Variants in P4HA3 observed in about 807,000 individuals in gnomAD.
P4HA3 encodes the protein prolyl 4-hydroxylase subunit alpha-3.
In P4HA3, 60 loss-of-function variants were observed where a neutral mutation model predicts 66.7. The observed-to-expected ratio is 0.90, with a 90% CI of 0.73 to 1.12. The LOEUF (loss-of-function observed/expected upper bound fraction) is 1.12, where lower values mean the gene tolerates loss of function less well. Among genes scored for constraint, P4HA3 ranks in the 50% most tolerant of loss-of-function variants. The pLI, the probability that P4HA3 is intolerant of heterozygous loss-of-function variation, is 0.00. For synonymous variants in P4HA3, 263 were observed against 274.6 expected, an observed-to-expected ratio of 0.96 and a Z score of 0.42; for missense variants, 683 against 685.8, an observed-to-expected ratio of 1.00 and a Z score of 0.05.
At chr11:74,296,918 TTTTTTTTC>T (rs922295136) in intron 4 of P4HA3, among the ~76,000 whole-genome samples, 5 of 148,156 alleles carry the variant, frequency 3.4e-5, no homozygotes, top group East Asian at 2.0e-4. Flanking sequence ...ATACACAGTT[TTTTTTTTC>T]TTTTTTTCTT....
intron 10 of P4HA3, among the ~76,000 whole-genome samples, chr11:74,273,206 C>T (rs1860266776): frequency 6.6e-6 from 1 of 152,184 alleles, no homozygotes; most frequent in Non-Finnish European, 1.5e-5. Flanking sequence ...TCCATGAGAC[C>T]TCAAGGACAC....
Position 74,298,999 on chromosome 11 carries a change from T to TTC in P4HA3, c.568-639_568-638insGA, listed in dbSNP as rs778333461. Among the ~76,000 whole-genome samples the TTC allele has an allele frequency of 6.3e-3, 965 of 152,382 alleles. 10 individuals carry two copies. Among genetic ancestry groups the TTC allele is most frequent in the African/African-American group, 0.02 (840 of 41,594 alleles). On this transcript the variant is annotated intron_variant, in intron 3 of 12. Coordinates refer to ENST00000331597, the MANE Select transcript of P4HA3 (RefSeq NM_182904.5). The stretch of plus-strand genomic sequence containing the variant: ...GATTACATTCATTCATTCATTCATT[T>TTC]ATTCAATATTTACTAAGTATTTTCT...
Position 74,266,945 on chromosome 11 carries a change from T to G in P4HA3, c.*303A>C. On this transcript the variant is annotated 3_prime_UTR_variant, in exon 13 of 13. Coordinates refer to ENST00000331597, the MANE Select transcript of P4HA3 (RefSeq NM_182904.5). ...ACCCACTGATCGAACCTGAGACTGTTGAGATGTCCTGTTCCCAACAGAGAG... is the reference window on the plus strand; with the variant it reads ...ACCCACTGATCGAACCTGAGACTGTGGAGATGTCCTGTTCCCAACAGAGAG... 1.5e-6 allele frequency: 2 copies of G among 1,353,298 alleles called. No individual in the cohort carries two copies. Among genetic ancestry groups the G allele is most frequent in the Non-Finnish European group, 2.0e-6 (2 of 1,018,516 alleles). The allele number at this position is 1,353,298 out of a possible 1,614,324, so 83.8% of individuals were successfully genotyped here.
chr11:74,292,293 C>G (rs1013539154), intron 4 of P4HA3, among the ~76,000 whole-genome samples: 6 of 151,978 alleles, frequency 3.9e-5, no homozygotes, highest in African/African-American at 1.5e-4. Flanking sequence ...GTGGTGATAT[C>G]CCCTTTATCA....
intron 10 of P4HA3, 61 bp from the exon 11 acceptor site, chr11:74,269,781 A>G: frequency 6.7e-7 from 1 of 1,493,956 alleles, no homozygotes; most frequent in Non-Finnish European, 9.3e-7. Context: ...ACCCTGTCAT[A>G]TGATGTCACA....
rs114798864 is a variant in P4HA3, at chr11:74,304,164, C to T, written c.343+106G>A. The stretch of plus-strand genomic sequence containing the variant: ...GCTAAGGATATTAAGTAATACCCAC[C>T]TACTCCATTACCCTTTGAAATCACA... On this transcript the variant is annotated intron_variant, in intron 2 of 12. Transcript: ENST00000331597. 1.4e-4 allele frequency: 196 copies of T among 1,400,818 alleles called. 1 individual carries two copies. The African/African-American group carries it at 1.8e-3, about 13-fold the overall frequency. 86.8% of individuals were successfully genotyped at this position (1,400,818 alleles called of 1,614,324 possible).
chr11:74,284,573 T>C (rs551298679), intron 7 of P4HA3, among the ~76,000 whole-genome samples: 1 of 152,174 alleles, frequency 6.6e-6, no homozygotes, highest in East Asian at 1.9e-4. Context: ...CATAATTACA[T>C]TATAACTAAA....
intron 15 of P4HA3, chr11:74,255,937 T>C (rs1859821000): frequency 3.9e-6 from 2 of 516,742 alleles, no homozygotes; most frequent in Non-Finnish European, 7.7e-6. Flanking sequence ...TGCGGGTGCC[T>C]TTGCTGAGCT....
Position 74,269,691 on chromosome 11 carries a change from T to G in P4HA3, c.1428A>C (p.Thr476=). The stretch of plus-strand genomic sequence containing the variant: ...CGCTGAGGTTGGCATAGATGAAGGC[T>G]GTGGCTCCTCCAGCTTCCACCGAGC... The part of the protein sequence containing the change: ...YLSSVEAGGA[T]AFIYANLSVP... Residue 476 remains threonine (T), a synonymous_variant, in exon 11 of 13, where the codon ACA becomes ACC. Coordinates refer to ENST00000331597, the MANE Select transcript of P4HA3 (RefSeq NM_182904.5). 1 of 1,614,018 alleles carries G rather than the reference T, an allele frequency of 6.2e-7. No individual in the cohort carries two copies.
At chr11:74,304,830 C>T (rs1182645362) in intron 1 of P4HA3, among the ~76,000 whole-genome samples, 1 of 152,122 alleles carries the variant, frequency 6.6e-6, no homozygotes, top group Non-Finnish European at 1.5e-5. Flanking sequence ...TGGTCCCCAA[C>T]CTTTTTGGCA....
chr11:74,253,603 G>A (rs1325605386), intron 15 of P4HA3: 10 of 1,402,572 alleles, frequency 7.1e-6, no homozygotes, highest in African/African-American at 1.4e-5. Flanking sequence ...TCTCCATCCC[G>A]CCCAGCCATG....
downstream of P4HA3, among the ~76,000 whole-genome samples, chr11:74,263,336 T>G (rs1415681496): frequency 6.6e-6 from 1 of 152,226 alleles, no homozygotes; most frequent in African/African-American, 2.4e-5. Flanking sequence ...CCATTAGGCA[T>G]CAGTGGCACA....
intron 1 of P4HA3, among the ~76,000 whole-genome samples, chr11:74,304,735 C>T (rs1249752182): frequency 6.6e-6 from 1 of 152,174 alleles, no homozygotes; most frequent in African/African-American, 2.4e-5. Flanking sequence ...CTCCTGTCAT[C>T]ACTGTATATG....
At chr11:74,251,494 A>G (rs1859660597) in intron 15 of P4HA3, 5 of 1,446,488 alleles carry the variant, frequency 3.5e-6, no homozygotes, top group Non-Finnish European at 4.5e-6. Flanking sequence ...TAGCTCTGCT[A>G]GGGAGGGCCT....
At chr11:74,309,201 A>T (rs1011057595) in intron 1 of P4HA3, among the ~76,000 whole-genome samples, 2 of 152,266 alleles carry the variant, frequency 1.3e-5, no homozygotes, top group Non-Finnish European at 2.9e-5. Context: ...ATCTTGAGTG[A>T]GCAACTAGAC....
At chr11:74,311,108 G>A (rs904377570) in intron 1 of P4HA3, among the ~76,000 whole-genome samples, 3 of 152,020 alleles carry the variant, frequency 2.0e-5, no homozygotes, top group African/African-American at 7.3e-5. Flanking sequence ...TGGATATGGG[G>A]GGTGCCACTA....
At chr11:74,287,992 G>T (rs1442927745) in intron 5 of P4HA3, among the ~76,000 whole-genome samples, 1 of 152,008 alleles carries the variant, frequency 6.6e-6, no homozygotes, top group Admixed American at 6.6e-5. Context: ...CTCCAGCCTG[G>T]GTGACAGAAT....
rs1013986032 is a variant in P4HA3, at chr11:74,267,246, G to A, written c.*2C>T. 1 of 1,614,176 alleles carries A rather than the reference G, an allele frequency of 6.2e-7. No individual in the cohort carries two copies. ...CTCCACCAGCTTCTCTCTGCCAACA[G>A]TTCAGTCTTCAGGGCTGGAGCTGCA... is the stretch of plus-strand genomic sequence containing the variant. On this transcript the variant is annotated 3_prime_UTR_variant, in exon 13 of 13. Transcript: ENST00000331597.
chr11:74,272,750 TG>T (rs1343885777), intron 10 of P4HA3, among the ~76,000 whole-genome samples: 1 of 152,240 alleles, frequency 6.6e-6, no homozygotes, highest in Non-Finnish European at 1.5e-5. Context: ...ACTTCATCTT[TG>T]GTTGTTATAT....
Sources: gnomAD v4.1 joint callset for allele counts (sites outside exome capture counted in the v4.1 genomes callset) on GRCh38, gnomAD v4.1.1 for gene constraint, MANE v1.5 for transcripts, NCBI Gene and HGNC (gene_info 2026-07-23, HGNC 2026-07-21) for gene names.